Variants in PRKCH observed in about 807,000 individuals in gnomAD.
The protein encoded by PRKCH is protein kinase C eta type.
PRKCH carries 28 observed loss-of-function variants against 82.5 expected under a neutral mutation model. That is an observed-to-expected ratio of 0.34 (90% CI 0.25 to 0.47). The LOEUF is 0.47. PRKCH is among the 20% of genes least tolerant of loss of function. The pLI is 1.00. For missense variants in PRKCH, 705 were observed against 881.8 expected, an observed-to-expected ratio of 0.80 and a Z score of 2.54; for synonymous variants, 322 against 327.4, an observed-to-expected ratio of 0.98 and a Z score of 0.18.
At chr14:61,335,808 C>A (rs2045849585) in intron 1 of PRKCH, among the ~76,000 whole-genome samples, 2 of 152,190 alleles carry the variant, frequency 1.3e-5, no homozygotes, top group South Asian at 2.1e-4. Flanking sequence ...GCCTAAGTCA[C>A]ATGAATTAGG....
intron 2 of PRKCH, among the ~76,000 whole-genome samples, chr14:61,410,217 C>A (rs1882192761): frequency 6.6e-6 from 1 of 152,178 alleles, no homozygotes; most frequent in African/African-American, 2.4e-5. Context: ...GACTTCACCC[C>A]CACCCCGTTC....
chr14:61,378,012 T>A (rs2046447714), intron 1 of PRKCH, among the ~76,000 whole-genome samples: 3 of 152,204 alleles, frequency 2.0e-5, no homozygotes, highest in Non-Finnish European at 4.4e-5. Flanking sequence ...CTTACTCCTG[T>A]ATGGACATTC....
chr14:61,250,458 G>A (rs2044935416), intron 1 of PRKCH, among the ~76,000 whole-genome samples: 3 of 152,018 alleles, frequency 2.0e-5, no homozygotes, highest in South Asian at 2.1e-4. Context: ...AAACTTAAAT[G>A]CGTTTTACTG....
intron 2 of PRKCH, among the ~76,000 whole-genome samples, chr14:61,406,508 A>G (rs1455333625): frequency 6.6e-6 from 1 of 152,228 alleles, no homozygotes; most frequent in Non-Finnish European, 1.5e-5. Flanking sequence ...TTGTGGGGTA[A>G]CTGAGACCAG....
chr14:61,243,065 C>T (rs1408136562), intron 1 of PRKCH, among the ~76,000 whole-genome samples: 3 of 119,686 alleles, frequency 2.5e-5, no homozygotes, highest in African/African-American at 6.0e-5. Flanking sequence ...GACCTAGACC[C>T]GATTTTGGGA....
At chr14:61,416,547 A>G (rs1035834230) in intron 2 of PRKCH, among the ~76,000 whole-genome samples, 1 of 152,068 alleles carries the variant, frequency 6.6e-6, no homozygotes, top group Non-Finnish European at 1.5e-5. Context: ...TCTCCTTGGC[A>G]TATATCTCCC....
intron 10 of PRKCH, among the ~76,000 whole-genome samples, chr14:61,518,817 C>T (rs1284366836): frequency 1.3e-5 from 2 of 152,074 alleles, no homozygotes; most frequent in African/African-American, 4.8e-5. Flanking sequence ...TTCTTTGTTT[C>T]ATTATTGTTT....
Position 61,244,322 on chromosome 14 carries a change from C to T in PRKCH, c.-19+56654C>T, listed in dbSNP as rs117585455. On this transcript the variant is annotated intron_variant, in intron 1 of 3. Transcript: ENST00000555185. ...GTGCAAAGCTGGGTCACTGTCATGC[C>T]GATTAACTGTAGTTCAAGCTTAAGT... is the stretch of plus-strand genomic sequence containing the variant. 2.2e-4 allele frequency among the ~76,000 whole-genome samples: 33 copies of T among 152,086 alleles called. No individual in the cohort carries two copies. In the East Asian group the frequency reaches 6.0e-3, roughly 28 times the overall value.
intron 1 of PRKCH, among the ~76,000 whole-genome samples, chr14:61,339,506 G>C (rs1412498879): frequency 6.7e-6 from 1 of 148,882 alleles, no homozygotes; most frequent in East Asian, 2.1e-4. Flanking sequence ...TGTATTTTTA[G>C]TAGAGACGGG....
At position 61,529,173 on chromosome 14, in the gene PRKCH, C is replaced by T. The variant is rs749481662; in HGVS notation, c.1532C>T (p.Thr511Met). The part of the protein sequence containing the change: ...CKEGICNGVT[T>M]ATFCGTPDYI... ...GAGGGGATTTGCAATGGTGTCACCA[C>T]GGCCACATTCTGTGGCACGCCAGAC... is the stretch of plus-strand genomic sequence containing the variant. The change falls in exon 11 of 14, where the codon ACG becomes ATG. Residue 511 changes from threonine to methionine, a missense_variant. Physicochemically the swap from Thr to Met is moderately conservative, Grantham distance 81 (BLOSUM62 -1). Transcript: ENST00000332981. 4.3e-6 allele frequency: 7 copies of T among 1,613,786 alleles called. No individual in the cohort carries two copies. The highest frequency in any genetic ancestry group is 5.9e-6 in the Non-Finnish European group (7 of 1,179,900).
At position 61,352,694 on chromosome 14, in the gene PRKCH, GAAAGAAA is replaced by G. The variant is rs1380675630; in HGVS notation, c.363+30231_363+30237del. ...AGAGAGAGAGAGAAAGGAAAGGAAA[GAAAGAAA>G]GAAAGAAAGAAAGAAAGAAAGAAAG... On this transcript the variant is annotated intron_variant, in intron 1 of 13. Transcript: ENST00000332981. 3.9e-3 allele frequency among the ~76,000 whole-genome samples: 343 copies of G among 87,268 alleles called. 1 individual carries two copies. The highest frequency in any genetic ancestry group is 0.012 in the African/African-American group (284 of 23,104). The allele number at this position is 87,268 out of a possible 152,430, so 57.3% of individuals were successfully genotyped here. A position where few individuals can be genotyped will look rare whatever the true frequency, so the allele number is the denominator to read the frequency against.
intron 9 of PRKCH, among the ~76,000 whole-genome samples, chr14:61,483,669 C>T (rs1886083282): frequency 6.6e-6 from 1 of 152,000 alleles, no homozygotes; most frequent in East Asian, 1.9e-4. Context: ...TGAGCAGGAG[C>T]ACGCACCCTG....
chr14:61,345,551 G>A (rs181874967), intron 1 of PRKCH, among the ~76,000 whole-genome samples: 25 of 152,286 alleles, frequency 1.6e-4, no homozygotes, highest in African/African-American at 3.1e-4. Context: ...CAGGGAAGGC[G>A]AGCAGAGGAG....
intron 1 of PRKCH, among the ~76,000 whole-genome samples, chr14:61,329,234 C>CTTTTTTTCTTTTTT (rs1476293025): frequency 6.3e-5 from 4 of 63,462 alleles, no homozygotes; most frequent in East Asian, 5.6e-4. Flanking sequence ...ACTCCTGAGT[C>CTTTTTTTCTTTTTT]TTTTTTTTTT....
intron 10 of PRKCH, among the ~76,000 whole-genome samples, chr14:61,497,818 G>A (rs1440656732): frequency 1.3e-5 from 2 of 152,122 alleles, no homozygotes; most frequent in Non-Finnish European, 2.9e-5. Flanking sequence ...GATCAGAAGA[G>A]ACTACCCAAA....
chr14:61,328,824 C>CA (rs1445288325), intron 1 of PRKCH, among the ~76,000 whole-genome samples: 3 of 151,676 alleles, frequency 2.0e-5, no homozygotes, highest in Non-Finnish European at 4.4e-5. Context: ...CCCATCTCCA[C>CA]AAAAAAATAA....
chr14:61,461,870 T>C (rs539094525), intron 9 of PRKCH, among the ~76,000 whole-genome samples: 14 of 152,354 alleles, frequency 9.2e-5, no homozygotes, highest in African/African-American at 3.4e-4. Context: ...TCCCAGTGTT[T>C]AGTGGGTGAA....
rs944702915 is a variant in PRKCH at position 61,486,684 on chromosome 14, C to CT, written c.1433+1041dup. ...TTTTATTTCTTTTCTTTCTTTCTTT[C>CT]TTTTTTTTTTTTTAAGACAGTGTCT... On this transcript the variant is annotated intron_variant, in intron 10 of 13. Coordinates refer to ENST00000332981, the MANE Select transcript of PRKCH (RefSeq NM_006255.5). Among the ~76,000 whole-genome samples, 253 of 141,352 alleles carry CT rather than the reference C, an allele frequency of 1.8e-3. 1 individual carries two copies. Among genetic ancestry groups the CT allele is most frequent in the African/African-American group, 6.7e-3 (234 of 34,960 alleles). 92.7% of individuals were successfully genotyped at this position (141,352 alleles called of 152,430 possible). A position where few individuals can be genotyped will look rare whatever the true frequency, so the allele number is the denominator to read the frequency against.
intron 1 of PRKCH, chr14:61,281,870 C>CTTTTTTTTTTTTTTTTTTTTT (rs71117807): frequency 1.1e-5 from 1 of 94,866 alleles, no homozygotes. Flanking sequence ...CAAATTTTAG[C>CTTTTTTTTTTTTTTTTTTTTT]TTTTTTTTTT....
Sources: gnomAD v4.1 joint callset for allele counts (sites outside exome capture counted in the v4.1 genomes callset) on GRCh38, gnomAD v4.1.1 for gene constraint, MANE v1.5 for transcripts, NCBI Gene and HGNC (gene_info 2026-07-23, HGNC 2026-07-21) for gene names.